THSD4: variants seen among roughly 807,000 people sequenced by gnomAD.
THSD4 encodes thrombospondin type-1 domain-containing protein 4.
In THSD4, 69 loss-of-function variants were observed where a neutral mutation model predicts 119.0. The ratio of observed to expected loss-of-function variants is 0.58; its 90% CI spans 0.48 to 0.71. The LOEUF (loss-of-function observed/expected upper bound fraction) is 0.71, where lower values mean the gene tolerates loss of function less well. THSD4 is among the 30% of genes least tolerant of loss of function. The pLI, the probability that THSD4 is intolerant of heterozygous loss-of-function variation, is 0.00. For synonymous variants in THSD4, 524 were observed against 540.4 expected, an observed-to-expected ratio of 0.97 and a Z score of 0.42; for missense variants, 1,393 against 1,391.1, an observed-to-expected ratio of 1.00 and a Z score of -0.02.
intron 15 of THSD4, 40 bp from the exon 16 acceptor site, chr15:71,764,980 C>T: frequency 6.3e-7 from 1 of 1,583,854 alleles, no homozygotes; most frequent in South Asian, 1.2e-5. Flanking sequence ...CACCCCCTTT[C>T]CATCATGTGA....
rs190172753 is a variant in THSD4, at chr15:71,656,310, G to A, written c.1153-4220G>A. Among the ~76,000 whole-genome samples the A allele has an allele frequency of 7.2e-5, 11 of 152,126 alleles. No homozygotes were observed. The East Asian group carries it at 2.1e-3, about 29-fold the overall frequency. On this transcript the variant is annotated intron_variant, in intron 7 of 17. Coordinates refer to ENST00000261862, the MANE Select transcript of THSD4 (RefSeq NM_024817.3). ...AGATATTATCGTTAGGGAAAGCTGG[G>A]TGAAAGACCACCGAAACTCTCTGCG...
chr15:71,519,488 AG>A (rs1297949787), intron 7 of THSD4, among the ~76,000 whole-genome samples: 16 of 152,014 alleles, frequency 1.1e-4, no homozygotes, highest in Non-Finnish European at 2.1e-4. Flanking sequence ...CAGCCTCCCA[AG>A]TAGCTGGGAT....
chr15:71,185,311 G>A (rs1254707495), intron 3 of THSD4: 4 of 151,732 alleles, frequency 2.6e-5, no homozygotes, highest in Non-Finnish European at 4.4e-5. Context: ...TTCAAAATAT[G>A]TTGGCCATTG....
At chr15:71,442,660 G>GTATGTATGTATGTATGTA (rs1555414328) in intron 7 of THSD4, among the ~76,000 whole-genome samples, 1 of 25,818 alleles carries the variant, frequency 3.9e-5, no homozygotes, top group Admixed American at 5.2e-4. Context: ...GTGTGTGTGT[G>GTATGTATGTATGTATGTA]TATATATATA....
chr15:71,532,051 G>T (rs1239519665), intron 7 of THSD4, among the ~76,000 whole-genome samples: 2 of 150,556 alleles, frequency 1.3e-5, no homozygotes, highest in African/African-American at 2.4e-5. Context: ...AAGTCCTGCA[G>T]CCTAAAATAC....
rs1394352212 is a variant in THSD4 at position 71,780,903 on chromosome 15, G to C, written c.*3529G>C. On this transcript the variant is annotated 3_prime_UTR_variant, in exon 18 of 18. Transcript: ENST00000261862. Reference sequence around the variant, plus strand: ...TGTATTTTCATCAAGTTATGTGGCAGAGAAATCCAGATATTACCAGGACCT... The same window carrying C: ...TGTATTTTCATCAAGTTATGTGGCACAGAAATCCAGATATTACCAGGACCT... 2.4e-6 allele frequency: 1 copy of C among 423,300 alleles called. No individual in the cohort carries two copies. Among genetic ancestry groups the C allele is most frequent in the Non-Finnish European group, 4.7e-6 (1 of 212,622 alleles). The allele number at this position is 423,300 out of a possible 1,614,324, so 26.2% of individuals were successfully genotyped here. A position where few individuals can be genotyped will look rare whatever the true frequency, so the allele number is the denominator to read the frequency against.
intron 14 of THSD4, among the ~76,000 whole-genome samples, chr15:71,756,794 GAA>G (rs1253447505): frequency 6.6e-6 from 1 of 152,122 alleles, no homozygotes; most frequent in Non-Finnish European, 1.5e-5. Context: ...TCGAAAAAAA[GAA>G]AAGACACGAT....
In THSD4 at chr15:71,410,245, G is replaced by C. The variant is rs370502315; in HGVS notation, c.1016-1442G>C. On this transcript the variant is annotated intron_variant, in intron 6 of 17. Coordinates refer to ENST00000261862, the MANE Select transcript of THSD4 (RefSeq NM_024817.3). The stretch of plus-strand genomic sequence containing the variant: ...TACTATGCGCCAAGCTCTGTGCTGG[G>C]TTCCTGGGATACAAAAGTGAATAAG... Among the ~76,000 whole-genome samples, 13 of 152,244 alleles carry C rather than the reference G, an allele frequency of 8.5e-5. No individual in the cohort carries two copies. In the East Asian group the frequency reaches 2.3e-3, roughly 27 times the overall value.
At chr15:71,733,019 A>G (rs1567125318) in intron 10 of THSD4, 1 of 152,276 alleles carries the variant, frequency 6.6e-6, no homozygotes, top group Non-Finnish European at 1.5e-5. Context: ...CATGTCCAGA[A>G]GCAATCCACA....
intron 7 of THSD4, among the ~76,000 whole-genome samples, chr15:71,584,893 G>C (rs1567048256): frequency 6.6e-6 from 1 of 151,996 alleles, no homozygotes; most frequent in African/African-American, 2.4e-5. Context: ...TTTCCATGAG[G>C]CTTACATAAA....
At position 71,783,158 on chromosome 15, in the gene THSD4, T is replaced by A. The variant is rs188522602; in HGVS notation, c.*5784T>A. On this transcript the variant is annotated 3_prime_UTR_variant, in exon 18 of 18. Coordinates refer to ENST00000261862, the MANE Select transcript of THSD4 (RefSeq NM_024817.3). ...AATTATTACATAAGCAGGTGAAAGG[T>A]AGAAGGCGAATTATGTGAGTAAATA... 3 of 152,340 alleles carry A rather than the reference T, an allele frequency of 2.0e-5. No individual in the cohort carries two copies. The East Asian group carries it at 5.8e-4, about 29-fold the overall frequency. The allele number at this position is 152,340 out of a possible 1,614,324, so 9.4% of individuals were successfully genotyped here. A position where few individuals can be genotyped will look rare whatever the true frequency, so the allele number is the denominator to read the frequency against.
intron 7 of THSD4, among the ~76,000 whole-genome samples, chr15:71,587,080 C>G (rs979384994): frequency 1.3e-5 from 2 of 151,304 alleles, no homozygotes; most frequent in African/African-American, 4.9e-5. Context: ...GAGATATCAT[C>G]TCACACCAGT....
chr15:71,390,344 G>C (rs1440801149), intron 6 of THSD4, among the ~76,000 whole-genome samples: 4 of 152,156 alleles, frequency 2.6e-5, no homozygotes, highest in Non-Finnish European at 5.9e-5. Context: ...ACTTTAGCTG[G>C]ACAAGGAAAC....
intron 7 of THSD4, among the ~76,000 whole-genome samples, chr15:71,564,901 T>C (rs1455082756): frequency 6.6e-6 from 1 of 151,096 alleles, no homozygotes; most frequent in Non-Finnish European, 1.5e-5. Flanking sequence ...TCTAGTCAAA[T>C]ACATGAATAT....
intron 7 of THSD4, among the ~76,000 whole-genome samples, chr15:71,636,147 C>T (rs1280421406): frequency 2.6e-5 from 4 of 152,276 alleles, no homozygotes; most frequent in Admixed American, 6.5e-5. Flanking sequence ...ATAGACCAGG[C>T]GCAGTGGCTC....
At chr15:71,750,135 C>T (rs532851610) in intron 14 of THSD4, among the ~76,000 whole-genome samples, 2 of 152,332 alleles carry the variant, frequency 1.3e-5, no homozygotes, top group East Asian at 3.9e-4. Flanking sequence ...CAGCCATGTT[C>T]TTGGATCTTA....
chr15:71,174,509 G>T (rs1457709449), intron 3 of THSD4, among the ~76,000 whole-genome samples: 1 of 110,794 alleles, frequency 9.0e-6, no homozygotes, highest in Non-Finnish European at 2.0e-5. Flanking sequence ...CTCGCTGATT[G>T]CTAGCACAGC....
intron 6 of THSD4, among the ~76,000 whole-genome samples, chr15:71,381,477 C>A (rs1427484838): frequency 6.6e-6 from 1 of 152,196 alleles, no homozygotes; most frequent in Non-Finnish European, 1.5e-5. Flanking sequence ...TAAAGACAGT[C>A]AGTTTCTTCC....
intron 14 of THSD4, among the ~76,000 whole-genome samples, chr15:71,750,406 G>A (rs1007235784): frequency 3.9e-5 from 6 of 152,110 alleles, no homozygotes; most frequent in South Asian, 2.1e-4. Flanking sequence ...CTCCCTCTGC[G>A]GTGTAAGATG....
Sources: allele counts gnomAD v4.1 joint callset (sites outside exome capture counted in the v4.1 genomes callset), GRCh38; gene constraint gnomAD v4.1.1; transcripts MANE v1.5; gene names NCBI Gene and HGNC (gene_info 2026-07-23, HGNC 2026-07-21).